Variants in AP1B1 observed in about 807,000 individuals in gnomAD.
AP1B1 encodes adaptor related protein complex 1 subunit beta 1.
Under a neutral mutation model 104.3 loss-of-function variants are expected in AP1B1, and 36 were observed. The observed-to-expected ratio is 0.35, with a 90% CI of 0.26 to 0.46. AP1B1 has a LOEUF of 0.46. Among genes scored for constraint, AP1B1 ranks in the 20% least tolerant of loss-of-function variants. The probability of loss-of-function intolerance (pLI) is 1.00; values close to 1 mark genes in which losing one functional copy is unlikely to be tolerated. For missense variants in AP1B1, 901 were observed against 1,247.9 expected, an observed-to-expected ratio of 0.72 and a Z score of 4.19; for synonymous variants, 504 against 517.5, an observed-to-expected ratio of 0.97 and a Z score of 0.35.
chr22:29,355,076 A>AAAATATAAAAATT (rs2061935000), intron 6 of AP1B1, among the ~76,000 whole-genome samples: 1 of 152,108 alleles, frequency 6.6e-6, no homozygotes. Flanking sequence ...TCTCTACCAA[A>AAAATATAAAAATT]AAATATAAAA....
intron 16 of AP1B1, 99 bp from the exon 17 acceptor site, chr22:29,334,509 A>AG (rs1312027627): frequency 7.4e-7 from 1 of 1,357,598 alleles, no homozygotes; most frequent in African/African-American, 1.5e-5. Context: ...TCTCTCCTGC[A>AG]GGGGCCTCCC....
chr22:29,387,305 CT>C (rs1014176421), intron 1 of AP1B1, among the ~76,000 whole-genome samples: 3,888 of 128,010 alleles, frequency 0.03, 55 homozygotes, highest in African/African-American at 0.1. Flanking sequence ...AGCTAAAAAT[CT>C]TTTTTTTTTT....
intron 11 of AP1B1, among the ~76,000 whole-genome samples, chr22:29,345,979 T>C (rs938469319): frequency 6.6e-6 from 1 of 152,350 alleles, no homozygotes; most frequent in South Asian, 2.1e-4. Context: ...CCACTGTGCC[T>C]GGCCCTAACA....
chr22:29,383,838 T>C (rs2062477346), intron 1 of AP1B1, among the ~76,000 whole-genome samples: 1 of 152,184 alleles, frequency 6.6e-6, no homozygotes, highest in Non-Finnish European at 1.5e-5. Context: ...ATTCTGGGCC[T>C]TGTGGGGTCA....
chr22:29,363,771 C>A (rs1031159285), intron 2 of AP1B1, among the ~76,000 whole-genome samples: 4 of 151,944 alleles, frequency 2.6e-5, no homozygotes, highest in African/African-American at 9.7e-5. Flanking sequence ...GTGGCATGTG[C>A]CTGCCGTGCC....
intron 10 of AP1B1, 61 bp downstream of exon 10, chr22:29,349,974 C>G (rs1464834518): frequency 7.7e-7 from 1 of 1,306,864 alleles, no homozygotes; most frequent in Non-Finnish European, 1.1e-6. Flanking sequence ...CCTTTTCTGC[C>G]CCGCCATCCC....
At chr22:29,370,090 G>T (rs1021958233) in intron 1 of AP1B1, among the ~76,000 whole-genome samples, 1 of 151,984 alleles carries the variant, frequency 6.6e-6, no homozygotes, top group Non-Finnish European at 1.5e-5. Context: ...GACAAAAGGG[G>T]CTAAAACTCA....
In AP1B1 at chr22:29,366,833, G is replaced by GACACACACAC. The variant is rs200885223; in HGVS notation, c.37+364_37+373dup. On this transcript the variant is annotated intron_variant, in intron 2 of 22. Coordinates refer to ENST00000357586, the MANE Select transcript of AP1B1 (RefSeq NM_001127.4). ...AGAAAAACACGTGCCCTTGGATAAG[G>GACACACACAC]ACACACACACACACACACACACACA... Among the ~76,000 whole-genome samples the GACACACACAC allele has an allele frequency of 2.5e-3, 328 of 131,400 alleles. 2 individuals are homozygous for GACACACACAC. The highest frequency in any genetic ancestry group is 2.8e-3 in the African/African-American group (97 of 34,734). 86.2% of individuals were successfully genotyped at this position (131,400 alleles called of 152,430 possible). A position where few individuals can be genotyped will look rare whatever the true frequency, so the allele number is the denominator to read the frequency against.
chr22:29,340,915 A>T (rs2061705212), intron 13 of AP1B1, 58 bp from the exon 14 acceptor site: 1 of 1,510,898 alleles, frequency 6.6e-7, no homozygotes, highest in Non-Finnish European at 8.9e-7. Context: ...GGTCAAAGAG[A>T]CCCCAGCCTC....
At position 29,341,506 on chromosome 22, in the gene AP1B1, C is replaced by T. The variant is rs755322589; in HGVS notation, c.1791G>A (p.Thr597=). 6 of 1,611,706 alleles carry T rather than the reference C, an allele frequency of 3.7e-6. No individual in the cohort carries two copies. In the East Asian group the frequency reaches 6.7e-5, roughly 18 times the overall value. Residue 597 remains threonine, a synonymous_variant, in exon 13 of 23, where the codon ACG becomes ACA. Transcript: ENST00000357586. The part of the protein sequence containing the change: ...GVVHKSLPPR[T]ASSESAESPE... ...GACTGGCCAGTCTCACTCACGAGGC[C>T]GTGCGAGGTGGCAGGCTCTTGTGCA...
At chr22:29,342,444 C>CA in intron 11 of AP1B1, 61 bp from the exon 12 acceptor site, 11 of 1,406,510 alleles carry the variant, frequency 7.8e-6, no homozygotes, top group Non-Finnish European at 1.0e-5. Context: ...AGAGGGAGAA[C>CA]AAAAAGGCTT....
intron 1 of AP1B1, among the ~76,000 whole-genome samples, chr22:29,370,946 T>G (rs1348088167): frequency 1.3e-5 from 2 of 152,198 alleles, no homozygotes; most frequent in African/African-American, 4.8e-5. Flanking sequence ...GAGGGCCCAA[T>G]GGGACTGATG....
intron 17 of AP1B1, among the ~76,000 whole-genome samples, chr22:29,332,559 C>A (rs1293636058): frequency 6.6e-6 from 1 of 152,182 alleles, no homozygotes; most frequent in Non-Finnish European, 1.5e-5. Flanking sequence ...AAACCGAGGG[C>A]TCGGTATACC....
At chr22:29,367,068 C>G in intron 2 of AP1B1, 139 bp downstream of exon 2, 1 of 683,504 alleles carries the variant, frequency 1.5e-6, no homozygotes, top group Admixed American at 2.4e-5. Context: ...TTTTCTAGAT[C>G]TACCACAAGC....
chr22:29,377,283 C>T (rs1346992621), intron 1 of AP1B1, among the ~76,000 whole-genome samples: 1 of 151,226 alleles, frequency 6.6e-6, no homozygotes, highest in Non-Finnish European at 1.5e-5. Flanking sequence ...CAGGTAAGGC[C>T]AGCTGGAAGA....
Position 29,328,675 on chromosome 22 carries a change from G to A in AP1B1, c.*146C>T, listed in dbSNP as rs74339735. The stretch of plus-strand genomic sequence containing the variant: ...GGGGTGGTGCCCTACCCCAGGGATC[G>A]GGTGGGTTCTGCCATCAGGACCAGG... On this transcript the variant is annotated 3_prime_UTR_variant, in exon 23 of 23. Transcript: ENST00000357586. This position sits in a 1 kb window ranked among gnomAD's most constrained non-coding sequence, Gnocchi z 4.1. 6,894 of 994,954 alleles carry A rather than the reference G, an allele frequency of 6.9e-3. 292 individuals carry two copies. In the African/African-American group the frequency reaches 0.095, roughly 14 times the overall value. 61.6% of individuals were successfully genotyped at this position (994,954 alleles called of 1,614,324 possible).
chr22:29,379,573 A>G (rs1452632960), intron 1 of AP1B1, among the ~76,000 whole-genome samples: 1 of 152,230 alleles, frequency 6.6e-6, no homozygotes, highest in East Asian at 1.9e-4. Flanking sequence ...CACAGTAAAC[A>G]AAGGACAGTC....
Position 29,328,698 on chromosome 22 carries a change from A to G in AP1B1, c.*123T>C. The G allele has an allele frequency of 8.0e-7, 1 of 1,254,846 alleles. No homozygotes were observed. The highest frequency in any genetic ancestry group is 1.1e-6 in the Non-Finnish European group (1 of 912,410). The allele number at this position is 1,254,846 out of a possible 1,614,324, so 77.7% of individuals were successfully genotyped here. On this transcript the variant is annotated 3_prime_UTR_variant, in exon 23 of 23. Transcript: ENST00000357586. The surrounding 1 kb of genome is among the most constrained non-coding windows in gnomAD (Gnocchi z 4.1). ...TCGGGTGGGTTCTGCCATCAGGACC[A>G]GGGAGCCCACTGAGTGGCCTGGAGC...
In AP1B1 at chr22:29,356,333, G is replaced by A. The variant is rs1033861437; in HGVS notation, c.716+93C>T. Reference sequence around the variant, plus strand: ...GTTATGGGGCAAAGCACTAGAAAGGGGCCCACTAAGGCCCAAGGCCCAGTG... The same window carrying A: ...GTTATGGGGCAAAGCACTAGAAAGGAGCCCACTAAGGCCCAAGGCCCAGTG... On this transcript the variant is annotated intron_variant, in intron 6 of 22. Coordinates refer to ENST00000357586, the MANE Select transcript of AP1B1 (RefSeq NM_001127.4). The A allele has an allele frequency of 1.2e-4, 153 of 1,307,332 alleles. No individual in the cohort carries two copies. The Admixed American group carries it at 1.2e-3, about 11-fold the overall frequency. 81.0% of individuals were successfully genotyped at this position (1,307,332 alleles called of 1,614,324 possible).
Sources: allele counts gnomAD v4.1 joint callset (sites outside exome capture counted in the v4.1 genomes callset), GRCh38; gene constraint gnomAD v4.1.1; non-coding constraint Gnocchi (gnomAD v3.1); transcripts MANE v1.5; gene names NCBI Gene and HGNC (gene_info 2026-07-23, HGNC 2026-07-21).